RSU1: variants seen among roughly 807,000 people sequenced by gnomAD.
RSU1 encodes the protein rsu-1.
Under a neutral mutation model 31.1 loss-of-function variants are expected in RSU1, and 26 were observed. That is an observed-to-expected ratio of 0.84 (90% CI 0.61 to 1.16). The LOEUF is 1.16. RSU1 is among the 50% of genes most tolerant of loss of function. RSU1 has a pLI of 0.00. For synonymous variants in RSU1, 164 were observed against 136.3 expected, an observed-to-expected ratio of 1.20 and a Z score of -1.41; for missense variants, 320 against 339.1, an observed-to-expected ratio of 0.94 and a Z score of 0.44.
intron 8 of RSU1, among the ~76,000 whole-genome samples, chr10:16,647,884 C>A (rs1316397467): frequency 3.9e-5 from 6 of 152,158 alleles, no homozygotes; most frequent in Admixed American, 3.9e-4. Context: ...TCTTTGGCAT[C>A]TGACTATTCT....
chr10:16,812,071 G>A (rs1261309751), intron 2 of RSU1, among the ~76,000 whole-genome samples: 1 of 152,186 alleles, frequency 6.6e-6, no homozygotes. Context: ...AACGAAAAGG[G>A]CTCCCCAGGC....
chr10:16,733,888 T>C (rs1403454571), intron 7 of RSU1, among the ~76,000 whole-genome samples: 2 of 152,236 alleles, frequency 1.3e-5, no homozygotes, highest in African/African-American at 2.4e-5. Flanking sequence ...CATTCTCTTA[T>C]AGCAAATTAC....
chr10:16,692,725 T>C (rs541332418), intron 8 of RSU1, among the ~76,000 whole-genome samples: 1 of 152,318 alleles, frequency 6.6e-6, no homozygotes, highest in Admixed American at 6.5e-5. Context: ...TGAGCTACAT[T>C]CGTATTTTTT....
intron 8 of RSU1, among the ~76,000 whole-genome samples, chr10:16,653,332 G>C (rs1354756084): frequency 6.6e-6 from 1 of 152,196 alleles, no homozygotes; most frequent in Non-Finnish European, 1.5e-5. Flanking sequence ...GAAAGAGCTA[G>C]GATACAAATA....
At position 16,768,162 on chromosome 10, in the gene RSU1, A is replaced by G. The variant is rs189260756; in HGVS notation, c.161-3652T>C. ...GCTGACCTATGACACCAAAGGAACT[A>G]AAGAGCAACGTGGTCCCTGACCCTA... On this transcript the variant is annotated intron_variant, in intron 3 of 8. Transcript: ENST00000345264. 3.9e-3 allele frequency among the ~76,000 whole-genome samples: 595 copies of G among 152,312 alleles called. 3 individuals carry two copies. The highest frequency in any genetic ancestry group is 7.9e-3 in the Admixed American group (121 of 15,294).
intron 2 of RSU1, among the ~76,000 whole-genome samples, chr10:16,807,599 T>A (rs975601676): frequency 6.6e-6 from 1 of 152,238 alleles, no homozygotes; most frequent in Admixed American, 6.5e-5. Context: ...TCTGCTAATA[T>A]TGATGGAGAT....
chr10:16,803,797 G>C (rs11254199), intron 2 of RSU1, among the ~76,000 whole-genome samples: 3,981 of 152,142 alleles, frequency 0.026, 57 homozygotes, highest in Non-Finnish European at 0.037. Context: ...AATCAATCTA[G>C]ACAAAGACCT....
chr10:16,674,725 C>T (rs1331428147), intron 8 of RSU1, among the ~76,000 whole-genome samples: 1 of 152,052 alleles, frequency 6.6e-6, no homozygotes, highest in African/African-American at 2.4e-5. Flanking sequence ...AGACAGCAAG[C>T]CTAAGGTCAT....
chr10:16,674,705 G>T (rs1359785885), intron 8 of RSU1, among the ~76,000 whole-genome samples: 1 of 152,154 alleles, frequency 6.6e-6, no homozygotes, highest in Non-Finnish European at 1.5e-5. Flanking sequence ...ACTGAAACTT[G>T]AATGAGATAA....
intron 8 of RSU1, among the ~76,000 whole-genome samples, chr10:16,653,873 C>T (rs879938138): frequency 2.0e-5 from 3 of 151,992 alleles, no homozygotes; most frequent in Non-Finnish European, 2.9e-5. Context: ...TCACTGATGC[C>T]CAATGTGACA....
intron 8 of RSU1, among the ~76,000 whole-genome samples, chr10:16,597,061 G>C (rs1033058244): frequency 6.6e-6 from 1 of 152,218 alleles, no homozygotes; most frequent in Non-Finnish European, 1.5e-5. Context: ...TGACTCCACT[G>C]TTCATGCCCA....
At chr10:16,738,930 C>A (rs1054870248) in intron 7 of RSU1, among the ~76,000 whole-genome samples, 1 of 147,024 alleles carries the variant, frequency 6.8e-6, no homozygotes, top group Non-Finnish European at 1.5e-5. Flanking sequence ...TCTCATCATT[C>A]AACTCCCACT....
intron 8 of RSU1, among the ~76,000 whole-genome samples, chr10:16,671,312 G>A (rs978226413): frequency 5.9e-5 from 9 of 152,286 alleles, no homozygotes; most frequent in African/African-American, 2.2e-4. Flanking sequence ...CCAAAGAGCT[G>A]GGATTACAGG....
intron 8 of RSU1, among the ~76,000 whole-genome samples, chr10:16,594,015 G>A (rs1306248902): frequency 6.6e-6 from 1 of 152,226 alleles, no homozygotes; most frequent in Admixed American, 6.5e-5. Context: ...ATTAAATGCT[G>A]ACAAAGTGCC....
intron 8 of RSU1, among the ~76,000 whole-genome samples, chr10:16,648,349 G>A (rs1298003058): frequency 6.6e-6 from 1 of 152,104 alleles, no homozygotes; most frequent in African/African-American, 2.4e-5. Context: ...GGGAAACTAA[G>A]GCAGTTCAAA....
intron 7 of RSU1, among the ~76,000 whole-genome samples, chr10:16,722,931 CACATAT>C (rs1228672125): frequency 6.7e-6 from 1 of 149,366 alleles, no homozygotes; most frequent in African/African-American, 2.5e-5. Context: ...TATATATACA[CACATAT>C]ACATATATGT....
At chr10:16,744,346 A>T (rs1243354447) in intron 7 of RSU1, among the ~76,000 whole-genome samples, 1 of 152,166 alleles carries the variant, frequency 6.6e-6, no homozygotes, top group African/African-American at 2.4e-5. Flanking sequence ...TGATATAACA[A>T]ATGAAGCAAT....
chr10:16,608,825 A>G (rs1432909101), intron 8 of RSU1, among the ~76,000 whole-genome samples: 2 of 152,092 alleles, frequency 1.3e-5, no homozygotes, highest in African/African-American at 2.4e-5. Context: ...GATTCAGCAG[A>G]CTTAATAATT....
At chr10:16,668,504 C>G (rs1159063649) in intron 8 of RSU1, among the ~76,000 whole-genome samples, 2 of 152,142 alleles carry the variant, frequency 1.3e-5, no homozygotes, top group Non-Finnish European at 2.9e-5. Context: ...TAAAAAGTAA[C>G]AAGGAAAATG....
Sources: allele counts gnomAD v4.1 joint callset (sites outside exome capture counted in the v4.1 genomes callset), GRCh38; gene constraint gnomAD v4.1.1; transcripts MANE v1.5; gene names NCBI Gene and HGNC (gene_info 2026-07-23, HGNC 2026-07-21).